The following ZNF469 variants were observed in gnomAD, a reference collection of about 807,000 sequenced individuals.
ZNF469 encodes zinc finger protein 469.
Under a neutral mutation model 1.0 loss-of-function variants are expected in ZNF469, and 1 was observed. The observed-to-expected ratio is 1.00, with a 90% CI of 0.35 to 4.73. ZNF469 has a LOEUF of 4.73. Ranked by LOEUF, ZNF469 falls within the 30% of genes most tolerant of loss-of-function variation. ZNF469 has a pLI of 0.16. For missense variants in ZNF469, 6,100 were observed against 5,356.3 expected (o/e 1.14, Z -4.33); for synonymous variants, 2,703 against 2,363.4 (o/e 1.14, Z -4.17).
the ZNF469 span, among the ~76,000 whole-genome samples, chr16:88,289,761 C>G: frequency 6.6e-6 from 1 of 152,216 alleles, no homozygotes; most frequent in Middle Eastern, 3.4e-3. Flanking sequence ...GTCCTGGTAA[C>G]AGATGTTAGA....
Position 88,435,090 on chromosome 16 carries a change from T to G in ZNF469, c.7620T>G (p.Asn2540Lys), listed in dbSNP as rs1279208272. Residue 2540 changes from asparagine (N) to lysine (K), a missense_variant, in exon 3 of 3, where the codon AAT becomes AAG. Coordinates refer to ENST00000565624, the MANE Select transcript of ZNF469 (RefSeq NM_001367624.2). The stretch of plus-strand genomic sequence containing the variant: ...GGGTGTCTGGGAAGGAGAGACCAAA[T>G]CACTCACGGGGAGACCCCAGCCACG... ...SHRVSGKERP[N>K]HSRGDPSHVT... 6 of 1,550,228 alleles carry G rather than the reference T, an allele frequency of 3.9e-6. No homozygotes were observed. Among genetic ancestry groups the G allele is most frequent in the Non-Finnish European group, 5.2e-6 (6 of 1,146,942 alleles).
the ZNF469 span, among the ~76,000 whole-genome samples, chr16:88,256,126 A>T: frequency 6.6e-6 from 1 of 152,056 alleles, no homozygotes. Flanking sequence ...GTTTGGAAAA[A>T]TTTCTAACAA....
At chr16:88,218,822 C>G in the ZNF469 span, among the ~76,000 whole-genome samples, 1 of 150,932 alleles carries the variant, frequency 6.6e-6, no homozygotes, top group South Asian at 2.1e-4. Flanking sequence ...AAGAGGAAGT[C>G]AAATTGTCCC....
intron 1 of ZNF469, among the ~76,000 whole-genome samples, chr16:88,419,343 C>T (rs1356658791): frequency 3.9e-5 from 6 of 152,154 alleles, no homozygotes; most frequent in Non-Finnish European, 8.8e-5. Flanking sequence ...GGTCCGAGGA[C>T]GGGCCGGTGC....
intron 1 of ZNF469, among the ~76,000 whole-genome samples, chr16:88,398,634 A>T (rs1034839248): frequency 8.1e-6 from 1 of 123,746 alleles, no homozygotes; most frequent in African/African-American, 3.1e-5. Context: ...GGGACATATG[A>T]GCCACAGATG....
the ZNF469 span, among the ~76,000 whole-genome samples, chr16:88,321,970 C>T: frequency 6.6e-6 from 1 of 152,212 alleles, no homozygotes; most frequent in Admixed American, 6.5e-5. Flanking sequence ...TGACATCACT[C>T]AACAGCAAAG....
At chr16:88,160,214 C>T in the ZNF469 span, among the ~76,000 whole-genome samples, 1 of 152,226 alleles carries the variant, frequency 6.6e-6, no homozygotes, top group African/African-American at 2.4e-5. Context: ...CCACGGCTGT[C>T]GCTTGCCAAT....
the ZNF469 span, among the ~76,000 whole-genome samples, chr16:88,206,565 A>AAAAC: frequency 6.6e-6 from 1 of 151,794 alleles, no homozygotes; most frequent in African/African-American, 2.4e-5. Flanking sequence ...TTATGACAAA[A>AAAAC]AAACAAACAA....
In ZNF469 at chr16:88,425,601, G is replaced by A. The variant is rs182896956; in HGVS notation, c.-127+730G>A. 3.3e-5 allele frequency among the ~76,000 whole-genome samples: 5 copies of A among 152,294 alleles called. No individual in the cohort carries two copies. In the East Asian group the frequency reaches 9.7e-4, roughly 29 times the overall value. ...CTGGATTCCTCACCCATAAATTCAG[G>A]GCGACAATCACAGATCACCTCTGAG... is the stretch of plus-strand genomic sequence containing the variant. On this transcript the variant is annotated intron_variant, in intron 2 of 2. Transcript: ENST00000565624.
chr16:88,105,893 C>A, the ZNF469 span, among the ~76,000 whole-genome samples: 1 of 152,230 alleles, frequency 6.6e-6, no homozygotes, highest in African/African-American at 2.4e-5. Flanking sequence ...AGGAAGCAAG[C>A]ACTCACACCA....
At chr16:88,146,788 A>C in the ZNF469 span, among the ~76,000 whole-genome samples, 1 of 151,532 alleles carries the variant, frequency 6.6e-6, no homozygotes, top group African/African-American at 2.4e-5. Flanking sequence ...TGCGGGAGGG[A>C]CTCCAGGGCA....
At position 88,394,633 on chromosome 16, in the gene ZNF469, C is replaced by T. The variant is rs184799759; in HGVS notation, c.-192+11379C>T. On this transcript the variant is annotated intron_variant, in intron 1 of 2. Coordinates refer to ENST00000565624, the MANE Select transcript of ZNF469 (RefSeq NM_001367624.2). ...CCTCCCCAGGCCAGGCCTGGCATCT[C>T]CTCTGCCGCCTGGTGAGCTTGTCGA... Among the ~76,000 whole-genome samples, 733 of 152,302 alleles carry T rather than the reference C, an allele frequency of 4.8e-3. 10 individuals are homozygous for T. The highest frequency in any genetic ancestry group is 0.016 in the African/African-American group (681 of 41,550).
chr16:88,133,523 T>C, the ZNF469 span, among the ~76,000 whole-genome samples: 1 of 152,164 alleles, frequency 6.6e-6, no homozygotes. Context: ...ATAATGTATG[T>C]ATTAAATGTA....
the ZNF469 span, among the ~76,000 whole-genome samples, chr16:88,321,299 A>C: frequency 5.3e-5 from 8 of 152,272 alleles, no homozygotes; most frequent in Admixed American, 3.9e-4. Flanking sequence ...CTTCAGGCAG[A>C]ATCCACCATC....
At chr16:88,325,880 C>G in the ZNF469 span, among the ~76,000 whole-genome samples, 2 of 152,248 alleles carry the variant, frequency 1.3e-5, no homozygotes, top group African/African-American at 4.8e-5. Context: ...GTGCTCTGCC[C>G]CCTTAGACCT....
chr16:88,259,686 G>A, the ZNF469 span, among the ~76,000 whole-genome samples: 1 of 152,094 alleles, frequency 6.6e-6, no homozygotes, highest in South Asian at 2.1e-4. This position sits in a 1 kb window ranked among gnomAD's most constrained non-coding sequence, Gnocchi z 4.1. Context: ...TCTCCTCTGC[G>A]TCTCACCCCC....
the ZNF469 span, among the ~76,000 whole-genome samples, chr16:88,242,985 C>T: frequency 1.3e-5 from 2 of 152,234 alleles, no homozygotes; most frequent in African/African-American, 4.8e-5. Flanking sequence ...CCGAACCCCA[C>T]AGGGAGACAC....
the ZNF469 span, among the ~76,000 whole-genome samples, chr16:88,114,254 C>CGG: frequency 1.7e-4 from 22 of 132,742 alleles, 3 homozygotes; most frequent in East Asian, 4.5e-4. Flanking sequence ...TCACTCACTG[C>CGG]GGGTGTCTCC....
chr16:88,368,948 G>A, the ZNF469 span, among the ~76,000 whole-genome samples: 443 of 152,164 alleles, frequency 2.9e-3, 2 homozygotes, highest in African/African-American at 0.01. Flanking sequence ...GTGTGCTGGC[G>A]GTCACCTGTA....
Sources: gnomAD v4.1 joint callset for allele counts (sites outside exome capture counted in the v4.1 genomes callset) on GRCh38, gnomAD v4.1.1 for gene constraint, Gnocchi (gnomAD v3.1) non-coding constraint, MANE v1.5 for transcripts, NCBI Gene and HGNC (gene_info 2026-07-23, HGNC 2026-07-21) for gene names.